The following CDC25C variants were observed in gnomAD, a reference collection of about 807,000 sequenced individuals.
CDC25C encodes cell division cycle 25C, also known as M-phase inducer phosphatase 3.
A neutral mutation model predicts 52.5 loss-of-function variants in CDC25C; 48 were observed. The ratio of observed to expected loss-of-function variants is 0.91; its 90% CI spans 0.72 to 1.16. The LOEUF (loss-of-function observed/expected upper bound fraction) is 1.16. CDC25C is among the 50% of genes most tolerant of loss of function. The probability of loss-of-function intolerance (pLI) is 0.00; values close to 1 mark genes in which losing one functional copy is unlikely to be tolerated. For missense variants in CDC25C, 510 were observed against 566.1 expected, an observed-to-expected ratio of 0.90 and a Z score of 1.01; for synonymous variants, 187 against 206.5, an observed-to-expected ratio of 0.91 and a Z score of 0.81.
At chr5:138,309,478 AC>A (rs1238597518) in intron 7 of CDC25C, among the ~76,000 whole-genome samples, 8 of 151,912 alleles carry the variant, frequency 5.3e-5, no homozygotes, top group African/African-American at 1.9e-4. Context: ...AATCTCTTGA[AC>A]CCTGGAGGCG....
chr5:138,310,962 T>A (rs1303666547), intron 7 of CDC25C, among the ~76,000 whole-genome samples: 2 of 152,212 alleles, frequency 1.3e-5, no homozygotes, highest in African/African-American at 4.8e-5. Flanking sequence ...CAGTAAACAG[T>A]GTGGCACTGG....
intron 4 of CDC25C, 107 bp from the exon 5 acceptor site, chr5:138,326,161 T>C: frequency 1.8e-6 from 2 of 1,123,122 alleles, no homozygotes; most frequent in Non-Finnish European, 2.7e-6. Flanking sequence ...CTAGGAGCCC[T>C]ATTCCTAGTT....
At chr5:138,289,105 T>C (rs533707008) in intron 10 of CDC25C, among the ~76,000 whole-genome samples, 4 of 152,258 alleles carry the variant, frequency 2.6e-5, no homozygotes, top group South Asian at 2.1e-4. Flanking sequence ...GCTGGGATTA[T>C]AGGCACACAT....
chr5:138,314,436 C>T (rs1580775971), intron 7 of CDC25C, among the ~76,000 whole-genome samples: 1 of 151,208 alleles, frequency 6.6e-6, no homozygotes, highest in Non-Finnish European at 1.5e-5. Flanking sequence ...GCTGGCATTA[C>T]AGGCACCTGC....
At chr5:138,333,088 C>G (rs1760509314), upstream of CDC25C, among the ~76,000 whole-genome samples, 1 of 152,146 alleles carries the variant, frequency 6.6e-6, no homozygotes, top group Admixed American at 6.5e-5. Context: ...AAGCCCCCAG[C>G]TGATGGTGAG....
chr5:138,335,784 TG>T (rs1413042496), upstream of CDC25C, among the ~76,000 whole-genome samples: 7 of 151,684 alleles, frequency 4.6e-5, no homozygotes, highest in Non-Finnish European at 1.0e-4. Flanking sequence ...TTTTTTGTTT[TG>T]TTTTTTTTGT....
Position 138,290,751 on chromosome 5 carries a change from C to T in CDC25C, c.763-11G>A. The T allele has an allele frequency of 6.7e-7, 1 of 1,500,808 alleles. No homozygotes were observed. Among genetic ancestry groups the T allele is most frequent in the Non-Finnish European group, 9.3e-7 (1 of 1,076,810 alleles). The allele number at this position is 1,500,808 out of a possible 1,614,324, so 93.0% of individuals were successfully genotyped here. On this transcript the variant is annotated splice_polypyrimidine_tract_variant and intron_variant, in intron 8 of 13. Coordinates refer to ENST00000323760, the MANE Select transcript of CDC25C (RefSeq NM_001790.5). ...CTTTAAACATAAGCCCTGAAGATGA[C>T]AAGATTCCCACCCCACACCCAATCC...
chr5:138,286,530 T>A lies in CDC25C; in HGVS notation c.1127A>T (p.His376Leu). ...GCCCCTCTCTGAGGAGAATTCACAG[T>A]GGAACACGATGATTATTCTCTTCTG... ...DTQKRIIIVF[H>L]CEFSSERGPR... The change falls in exon 12 of 14, where the codon CAC becomes CTC. Residue 376 changes from histidine (H) to leucine (L), a missense_variant. Physicochemically the swap from His to Leu is moderately conservative, Grantham distance 99. Coordinates refer to ENST00000323760, the MANE Select transcript of CDC25C (RefSeq NM_001790.5). 2.5e-6 allele frequency: 4 copies of A among 1,613,836 alleles called. No homozygotes were observed. Among genetic ancestry groups the A allele is most frequent in the Non-Finnish European group, 3.4e-6 (4 of 1,179,884 alleles).
intron 6 of CDC25C, among the ~76,000 whole-genome samples, chr5:138,322,188 A>T (rs1452290190): frequency 2.6e-5 from 4 of 151,408 alleles, no homozygotes; most frequent in African/African-American, 9.7e-5. Context: ...CTTTTAGTAG[A>T]GACAGGGTTT....
At chr5:138,318,755 A>G (rs1047265868) in intron 7 of CDC25C, among the ~76,000 whole-genome samples, 11 of 152,194 alleles carry the variant, frequency 7.2e-5, no homozygotes, top group African/African-American at 2.7e-4. Flanking sequence ...TGAATTCTTA[A>G]TTAAACTAAA....
intron 7 of CDC25C, among the ~76,000 whole-genome samples, chr5:138,299,847 C>T (rs1419700031): frequency 6.6e-6 from 1 of 151,700 alleles, no homozygotes; most frequent in Non-Finnish European, 1.5e-5. Context: ...TTGAAAAGAT[C>T]AGCAAAAATC....
intron 7 of CDC25C, among the ~76,000 whole-genome samples, chr5:138,309,679 C>T (rs561629436): frequency 4.6e-5 from 7 of 151,808 alleles, no homozygotes; most frequent in Non-Finnish European, 8.8e-5. Flanking sequence ...ACATGGCATG[C>T]CCTCAAACTA....
rs1756143164 is a variant in CDC25C at position 138,285,692 on chromosome 5, T to C, written c.1422A>G (p.Ter474TrpextTer1). The C allele has an allele frequency of 1.2e-6, 2 of 1,613,786 alleles. No individual in the cohort carries two copies. The highest frequency in any genetic ancestry group is 2.2e-5 in the East Asian group (1 of 44,890). ...IALLVKDMSP[*>W] ...TTAGCAGCCAGTGGCTGGAATGTTA[T>C]CATGGGCTCATGTCCTTCACCAGAA... The change falls in exon 14 of 14, where the codon TGA becomes TGG. Residue 474 changes from the stop codon to tryptophan, a stop_lost. Transcript: ENST00000323760.
intron 7 of CDC25C, among the ~76,000 whole-genome samples, chr5:138,303,947 C>T (rs888957998): frequency 3.3e-5 from 5 of 152,104 alleles, no homozygotes; most frequent in African/African-American, 9.7e-5. Context: ...GTGGCAAGAG[C>T]GACTGCAGAT....
intron 4 of CDC25C, among the ~76,000 whole-genome samples, chr5:138,327,264 A>AAT (rs1759967587): frequency 6.6e-6 from 1 of 151,470 alleles, no homozygotes; most frequent in Admixed American, 6.6e-5. Flanking sequence ...AAAAAAAAAA[A>AAT]AAAATTAATT....
chr5:138,338,034 AG>A (rs1192095927), exon 1 of CDC25C: 22 of 1,289,306 alleles, frequency 1.7e-5, no homozygotes, highest in Non-Finnish European at 2.1e-5. Context: ...GATATTTTGG[AG>A]GGGGTGACTC....
At chr5:138,299,447 G>T (rs1757471675) in intron 7 of CDC25C, among the ~76,000 whole-genome samples, 1 of 136,400 alleles carries the variant, frequency 7.3e-6, no homozygotes, top group African/African-American at 2.8e-5. Context: ...AGTGAGCCAA[G>T]ATCACACCAC....
At chr5:138,300,562 CA>C (rs76539640) in intron 7 of CDC25C, among the ~76,000 whole-genome samples, 4,799 of 133,730 alleles carry the variant, frequency 0.036, 165 homozygotes, top group Admixed American at 0.11. Context: ...GACTCTGTCT[CA>C]AAAAAAAAAA....
intron 7 of CDC25C, among the ~76,000 whole-genome samples, chr5:138,298,452 T>C (rs1757379085): frequency 6.6e-6 from 1 of 152,102 alleles, no homozygotes; most frequent in South Asian, 2.1e-4. Context: ...ACAATATGCC[T>C]GAACATAAAA....
Sources: allele counts gnomAD v4.1 joint callset (sites outside exome capture counted in the v4.1 genomes callset), GRCh38; gene constraint gnomAD v4.1.1; transcripts MANE v1.5; gene names NCBI Gene and HGNC (gene_info 2026-07-23, HGNC 2026-07-21).